The following TKTL1 variants were observed in gnomAD, a reference collection of about 807,000 sequenced individuals.
TKTL1 encodes transketolase like 1.
A neutral mutation model predicts 39.3 loss-of-function variants in TKTL1; 1 was observed. That is an observed-to-expected ratio of 0.03 (90% confidence interval 0.01 to 0.12). TKTL1 has a LOEUF of 0.12. Among genes scored for constraint, TKTL1 ranks in the 10% least tolerant of loss-of-function variants. TKTL1 has a pLI of 1.00. For synonymous variants in TKTL1, 262 were observed against 193.8 expected (o/e 1.35, Z -2.92); for missense variants, 575 against 509.6 (o/e 1.13, Z -1.24).
At chrX:154,328,391 C>CA (rs2067509715) in intron 12 of TKTL1, among the ~76,000 whole-genome samples, 1 of 105,921 alleles carries the variant, frequency 9.4e-6, no homozygotes, top group Non-Finnish European at 2.0e-5. Flanking sequence ...ACTAAAAATA[C>CA]AAAAATTAGC....
rs989696012 is a variant in TKTL1, at chrX:154,325,811, C to T, written c.1401+389C>T. On this transcript the variant is annotated intron_variant, in intron 10 of 12. Transcript: ENST00000369915. ...GCAGCCTGGGAAACATAGCGAGATT[C>T]CCATCTTTACAAAAATTTTTTAAAC... is the stretch of plus-strand genomic sequence containing the variant. Among the ~76,000 whole-genome samples the T allele has an allele frequency of 1.3e-4, 14 of 111,570 alleles. No homozygotes were observed. The East Asian group carries it at 3.9e-3, about 31-fold the overall frequency.
chrX:154,305,678 C>T (rs1264220967), intron 2 of TKTL1, among the ~76,000 whole-genome samples: 2 of 110,768 alleles, frequency 1.8e-5, no homozygotes, highest in Admixed American at 9.6e-5. Context: ...TTAGCACGAA[C>T]GCTTCCCCCA....
At chrX:154,310,431 A>T (rs1283533181) in intron 3 of TKTL1, among the ~76,000 whole-genome samples, 1 of 112,353 alleles carries the variant, frequency 8.9e-6, no homozygotes, top group Non-Finnish European at 1.9e-5. Context: ...ACTCTGCCTC[A>T]AACAAACAAA....
intron 2 of TKTL1, among the ~76,000 whole-genome samples, chrX:154,307,499 C>G (rs1557167469): frequency 8.9e-6 from 1 of 112,870 alleles, no homozygotes; most frequent in Non-Finnish European, 1.9e-5. Context: ...GTCTGCCCCG[C>G]AGCATAAGGG....
chrX:154,320,704 G>T (rs2148078536), intron 7 of TKTL1, 53 bp from the exon 8 acceptor site: 1 of 1,155,839 alleles, frequency 8.7e-7, no homozygotes, highest in South Asian at 1.8e-5. Context: ...TGGGAGAAGG[G>T]GCGGTGGGGG....
chrX:154,309,640 CAGGTCTGTTGAA>C (rs1406212990), intron 3 of TKTL1, among the ~76,000 whole-genome samples, 198 bp downstream of exon 3: 1 of 111,357 alleles, frequency 9.0e-6, no homozygotes, highest in Non-Finnish European at 1.9e-5. Context: ...TTCTCTCCCA[CAGGTCTGTTGAA>C]AGGTTTCAGC....
chrX:154,295,825 G>T lies in TKTL1; in HGVS notation c.-35G>T. 8.3e-7 allele frequency: 1 copy of T among 1,201,144 alleles called. No homozygotes were observed. The highest frequency in any genetic ancestry group is 1.1e-6 in the Non-Finnish European group (1 of 889,283). On this transcript the variant is annotated 5_prime_UTR_variant, in exon 1 of 13. The change creates a new upstream start codon in the 5' untranslated region. Transcript: ENST00000369915. ...TCGCTCTTCAGACGCCGGAGACGTA[G>T]GAGTGGGTCTTCAGACTCCAAAGGG...
Position 154,307,758 on chromosome X carries a change from A to G in TKTL1, c.253-1587A>G, listed in dbSNP as rs1051109891. On this transcript the variant is annotated intron_variant, in intron 2 of 12. Coordinates refer to ENST00000369915, the MANE Select transcript of TKTL1 (RefSeq NM_012253.4). ...CGGTCCATTATGTTATAGGACTTCC[A>G]AGGGCATGCAAGGCGACTGGGAGCC... is the stretch of plus-strand genomic sequence containing the variant. 9.8e-5 allele frequency among the ~76,000 whole-genome samples: 11 copies of G among 112,487 alleles called. No individual in the cohort carries two copies. The South Asian group carries it at 4.0e-3, about 41-fold the overall frequency.
chrX:154,322,229 CAAAAAA>C lies in TKTL1; in HGVS notation c.1187-961_1187-956del, dbSNP rs34229834. 4.0e-3 allele frequency among the ~76,000 whole-genome samples: 169 copies of C among 41,845 alleles called. 1 individual carries two copies. Among genetic ancestry groups the C allele is most frequent in the South Asian group, 6.5e-3 (3 of 465 alleles). 36.3% of individuals were successfully genotyped at this position (41,845 alleles called of 115,157 possible). ...GCCTGGCGACAGAGAGAGGCTTTGTCAAAAAAAAAAAAAAAAAAAAAAGCCAGAGCG... is the reference window on the plus strand; with the variant it reads ...GCCTGGCGACAGAGAGAGGCTTTGTCAAAAAAAAAAAAAAAAGCCAGAGCG... On this transcript the variant is annotated intron_variant, in intron 8 of 12. Coordinates refer to ENST00000369915, the MANE Select transcript of TKTL1 (RefSeq NM_012253.4).
Position 154,320,835 on chromosome X carries a change from G to T in TKTL1, c.1108G>T (p.Ala370Ser), listed in dbSNP as rs782242540. ...CACCTTTGCTGCCTTTCTGACTCGA[G>T]CATTTGATCACATCCGGATAGGAGG... is the stretch of plus-strand genomic sequence containing the variant. Reference protein sequence around the residue: ...ASTFAAFLTRAFDHIRIGGLA... With the variant: ...ASTFAAFLTRSFDHIRIGGLA... Residue 370 changes from alanine (A) to serine (S), a missense_variant, in exon 8 of 13, where the codon GCA becomes TCA. Coordinates refer to ENST00000369915, the MANE Select transcript of TKTL1 (RefSeq NM_012253.4). The T allele has an allele frequency of 1.7e-6, 2 of 1,211,316 alleles. No homozygotes were observed. Among genetic ancestry groups the T allele is most frequent in the South Asian group, 3.5e-5 (2 of 56,964 alleles).
Position 154,305,346 on chromosome X carries a change from G to A in TKTL1, c.177G>A (p.Val59=), listed in dbSNP as rs1557167011. The A allele has an allele frequency of 8.3e-7, 1 of 1,210,669 alleles. No individual in the cohort carries two copies. Among genetic ancestry groups the A allele is most frequent in the Admixed American group, 2.2e-5 (1 of 46,010 alleles). ...GCAGTTCTTCTGAGATCATGTCTGT[G>A]CTGTTCTTCTACATCATGAGGTACA... The part of the protein sequence containing the change: ...SCSSSSEIMS[V]LFFYIMRYKQ... Residue 59 remains valine, a synonymous_variant, in exon 2 of 13, where the codon GTG becomes GTA. Coordinates refer to ENST00000369915, the MANE Select transcript of TKTL1 (RefSeq NM_012253.4).
chrX:154,310,064 G>A (rs144803442), intron 3 of TKTL1, among the ~76,000 whole-genome samples: 20 of 111,476 alleles, frequency 1.8e-4, no homozygotes, highest in Non-Finnish European at 3.2e-4. Context: ...GAACACTCAC[G>A]TCGTTGGTTG....
chrX:154,299,087 T>G (rs1288687066), intron 1 of TKTL1, among the ~76,000 whole-genome samples: 1 of 110,152 alleles, frequency 9.1e-6, no homozygotes, highest in Admixed American at 9.8e-5. Flanking sequence ...TCACATAGGT[T>G]TTGGTATTTT....
At position 154,298,020 on chromosome X, in the gene TKTL1, T is replaced by C. The variant is rs1406851522; in HGVS notation, c.134+2027T>C. On this transcript the variant is annotated intron_variant, in intron 1 of 12. Transcript: ENST00000369915. The stretch of plus-strand genomic sequence containing the variant: ...TATTGGGCGTTTTTTTTATTACTGC[T>C]TTAGTCTCCTTACTAGTTAGTTGTA... 2.7e-5 allele frequency among the ~76,000 whole-genome samples: 3 copies of C among 112,059 alleles called. No individual in the cohort carries two copies. In the Admixed American group the frequency reaches 2.8e-4, roughly 11 times the overall value.
At chrX:154,320,651 G>T (rs1211268996) in intron 7 of TKTL1, 106 bp from the exon 8 acceptor site, 1 of 829,161 alleles carries the variant, frequency 1.2e-6, no homozygotes, top group Non-Finnish European at 1.8e-6. Flanking sequence ...TAGAACTTCA[G>T]AGCAGTTCAG....
chrX:154,296,079 A>G, intron 1 of TKTL1, 86 bp downstream of exon 1: 2 of 1,117,118 alleles, frequency 1.8e-6, no homozygotes, highest in Non-Finnish European at 2.4e-6. Flanking sequence ...CGTGTGGTGA[A>G]GGGAGAGCCT....
chrX:154,321,397 C>T (rs781840842), intron 8 of TKTL1, among the ~76,000 whole-genome samples: 3 of 106,711 alleles, frequency 2.8e-5, no homozygotes, highest in African/African-American at 1.0e-4. Flanking sequence ...TACAAACACA[C>T]CCTTCTCAGA....
intron 5 of TKTL1, among the ~76,000 whole-genome samples, chrX:154,312,066 ATCAG>A (rs1374117032): frequency 8.9e-6 from 1 of 111,864 alleles, no homozygotes; most frequent in Non-Finnish European, 1.9e-5. Context: ...AGTGGATCTG[ATCAG>A]TCACTTTCCC....
chrX:154,299,503 T>C (rs1325710689), intron 1 of TKTL1, among the ~76,000 whole-genome samples: 1 of 110,717 alleles, frequency 9.0e-6, no homozygotes. Flanking sequence ...ATAAGTTGTT[T>C]TTGCTTATGT....
Sources: allele counts gnomAD v4.1 joint callset (sites outside exome capture counted in the v4.1 genomes callset), GRCh38; gene constraint gnomAD v4.1.1; transcripts MANE v1.5; gene names NCBI Gene and HGNC (gene_info 2026-07-23, HGNC 2026-07-21).